The following VWF variants were observed in gnomAD, a reference collection of about 807,000 sequenced individuals.
VWF encodes the protein Factor VIII related antigen.
Under a neutral mutation model 308.6 loss-of-function variants are expected in VWF, and 176 were observed. The observed-to-expected ratio is 0.57, with a 90% CI of 0.50 to 0.65. The LOEUF is 0.65. VWF is among the 30% of genes least tolerant of loss of function. The pLI, the probability that VWF is intolerant of heterozygous loss-of-function variation, is 0.00. For synonymous variants in VWF, 1,385 were observed against 1,443.4 expected, an observed-to-expected ratio of 0.96 and a Z score of 0.92; for missense variants, 3,146 against 3,648.2, an observed-to-expected ratio of 0.86 and a Z score of 3.55.
intron 40 of VWF, among the ~76,000 whole-genome samples, chr12:5,983,659 G>A (rs1943638253): frequency 6.6e-6 from 1 of 151,484 alleles, no homozygotes; most frequent in African/African-American, 2.4e-5. Context: ...ACATATGTTA[G>A]ACAGAGATAG....
chr12:6,103,336 A>G lies in VWF; in HGVS notation c.532+7038T>C, dbSNP rs1293036210. 2.0e-5 allele frequency among the ~76,000 whole-genome samples: 3 copies of G among 149,922 alleles called. No homozygotes were observed. In the East Asian group the frequency reaches 5.9e-4, roughly 29 times the overall value. ...AGCGAGACTCCGTCTCAAAAAATAT[A>G]TATATATATGTGTGTATATATACAT... On this transcript the variant is annotated intron_variant, in intron 5 of 51. Coordinates refer to ENST00000261405, the MANE Select transcript of VWF (RefSeq NM_000552.5).
intron 6 of VWF, among the ~76,000 whole-genome samples, chr12:6,091,681 C>A (rs1172321275): frequency 6.6e-6 from 1 of 152,100 alleles, no homozygotes; most frequent in Non-Finnish European, 1.5e-5. Context: ...GCAGCTGGGT[C>A]TACAGGTATG....
At chr12:6,055,893 A>T (rs1015765072) in intron 15 of VWF, among the ~76,000 whole-genome samples, 2 of 151,342 alleles carry the variant, frequency 1.3e-5, no homozygotes, top group Non-Finnish European at 2.9e-5. Context: ...TCTTGCCTCA[A>T]CCTCCCAAGT....
At chr12:6,044,764 A>T (rs1464972060) in intron 17 of VWF, among the ~76,000 whole-genome samples, 1 of 152,188 alleles carries the variant, frequency 6.6e-6, no homozygotes, top group African/African-American at 2.4e-5. Context: ...CATTGCAGAA[A>T]TTTCCAGACC....
chr12:6,021,192 T>C (rs74056788), intron 27 of VWF: 2,192 of 152,752 alleles, frequency 0.014, 37 homozygotes, highest in African/African-American at 0.046. Context: ...GCTGTGACCA[T>C]AGCCCCTCCC....
At chr12:5,977,863 C>T (rs946407299) in intron 42 of VWF, among the ~76,000 whole-genome samples, 1 of 148,662 alleles carries the variant, frequency 6.7e-6, no homozygotes, top group Non-Finnish European at 1.5e-5. Flanking sequence ...GAGCAAGACC[C>T]TATCTCTCTC....
At chr12:6,045,810 G>A (rs1944441649) in intron 17 of VWF, among the ~76,000 whole-genome samples, 1 of 152,246 alleles carries the variant, frequency 6.6e-6, no homozygotes, top group Admixed American at 6.5e-5. Flanking sequence ...CACTGGAAGA[G>A]TCCTTTCTAA....
At chr12:6,064,527 C>G in intron 11 of VWF, 143 bp from the exon 12 acceptor site, 1 of 1,347,132 alleles carries the variant, frequency 7.4e-7, no homozygotes, top group Non-Finnish European at 1.0e-6. Flanking sequence ...TCCCAGAATA[C>G]TCCATGTGAA....
intron 15 of VWF, 41 bp from the exon 16 acceptor site, chr12:6,052,824 G>A (rs769122097): frequency 3.8e-6 from 6 of 1,594,282 alleles, no homozygotes; most frequent in Non-Finnish European, 5.1e-6. Flanking sequence ...CGGGAATGTT[G>A]GACAGCAAGG....
At position 5,985,530 on chromosome 12, in the gene VWF, C is replaced by T. The variant is rs575199873; in HGVS notation, c.6901+33G>A. The T allele has an allele frequency of 2.5e-6, 4 of 1,606,456 alleles. No individual in the cohort carries two copies. The South Asian group carries it at 4.4e-5, about 18-fold the overall frequency. ...GGGCCTTGCAGGGGCCCTTGTTCCT[C>T]CATGAAGGCACCAGGGAGGGGAGGA... On this transcript the variant is annotated intron_variant, in intron 39 of 51. Transcript: ENST00000261405.
At chr12:6,048,387 C>T (rs1171585348) in intron 16 of VWF, among the ~76,000 whole-genome samples, 2 of 151,934 alleles carry the variant, frequency 1.3e-5, no homozygotes, top group Non-Finnish European at 2.9e-5. Context: ...AGGATGATCT[C>T]GATCTCCTGA....
At chr12:5,974,115 C>T (rs184207741) in intron 43 of VWF, among the ~76,000 whole-genome samples, 9 of 152,198 alleles carry the variant, frequency 5.9e-5, no homozygotes, top group African/African-American at 1.4e-4. Flanking sequence ...ACACATGGAC[C>T]GGCATATATG....
intron 47 of VWF, among the ~76,000 whole-genome samples, chr12:5,963,329 CA>C (rs1291668169): frequency 1.3e-5 from 2 of 152,138 alleles, no homozygotes; most frequent in Non-Finnish European, 2.9e-5. Context: ...AAACACATCA[CA>C]AAAGATGATA....
In VWF at chr12:6,073,885, T is replaced by G. The variant is rs564505879; in HGVS notation, c.875-144A>C. 8 of 1,288,368 alleles carry G rather than the reference T, an allele frequency of 6.2e-6. No individual in the cohort carries two copies. The South Asian group carries it at 1.0e-4, about 17-fold the overall frequency. The allele number at this position is 1,288,368 out of a possible 1,614,324, so 79.8% of individuals were successfully genotyped here. A position where few individuals can be genotyped will look rare whatever the true frequency, so the allele number is the denominator to read the frequency against. On this transcript the variant is annotated intron_variant, in intron 7 of 51. Coordinates refer to ENST00000261405, the MANE Select transcript of VWF (RefSeq NM_000552.5). ...GCTTCCAGGTCCTTCTCACCCCCAG[T>G]GAGCCACGTGCCCCCCTGAGGCCAC...
chr12:5,977,298 A>AT (rs1339143767), intron 42 of VWF, among the ~76,000 whole-genome samples: 2 of 152,218 alleles, frequency 1.3e-5, no homozygotes, highest in African/African-American at 4.8e-5. Context: ...TGTTACTGCA[A>AT]TTTGTAATAG....
rs570818983 is a variant in VWF at position 5,977,895 on chromosome 12, TTA to T, written c.7288-1637_7288-1636del. Among the ~76,000 whole-genome samples the T allele has an allele frequency of 2.7e-3, 400 of 148,044 alleles. 12 individuals carry two copies. Among genetic ancestry groups the T allele is most frequent in the Admixed American group, 0.021 (316 of 14,760 alleles). The stretch of plus-strand genomic sequence containing the variant: ...TCTCTCTATATATATATATTATATA[TTA>T]TATATATTCACATATATAAATTATA... On this transcript the variant is annotated intron_variant, in intron 42 of 51. Transcript: ENST00000261405.
chr12:5,983,538 T>TAGAC (rs1943635130), intron 40 of VWF, among the ~76,000 whole-genome samples: 1 of 151,910 alleles, frequency 6.6e-6, no homozygotes, highest in African/African-American at 2.4e-5. Context: ...GATAGATAGA[T>TAGAC]AGATGGATGA....
In VWF at chr12:6,032,628, A is replaced by G. The variant is rs559136872; in HGVS notation, c.2686-1050T>C. 5.3e-5 allele frequency among the ~76,000 whole-genome samples: 8 copies of G among 151,482 alleles called. No homozygotes were observed. In the East Asian group the frequency reaches 1.6e-3, roughly 29 times the overall value. ...ACTCCAGCCTGGGTGACAGAGCGAG[A>G]CTCTGTCTCAAAAAAAAAAAGAAAA... On this transcript the variant is annotated intron_variant, in intron 20 of 51. Coordinates refer to ENST00000261405, the MANE Select transcript of VWF (RefSeq NM_000552.5).
chr12:5,960,835 A>G (rs919957098), intron 47 of VWF, among the ~76,000 whole-genome samples: 4 of 152,238 alleles, frequency 2.6e-5, no homozygotes, highest in African/African-American at 9.6e-5. Flanking sequence ...AACTTCTTCA[A>G]TATGCTATAG....
Sources: gnomAD v4.1 joint callset for allele counts (sites outside exome capture counted in the v4.1 genomes callset) on GRCh38, gnomAD v4.1.1 for gene constraint, MANE v1.5 for transcripts, NCBI Gene and HGNC (gene_info 2026-07-23, HGNC 2026-07-21) for gene names.